The following CNKSR2 variants were observed in gnomAD, a reference collection of about 807,000 sequenced individuals.
CNKSR2 encodes CNK homolog protein 2.
In CNKSR2, 14 loss-of-function variants were observed where a neutral mutation model predicts 84.4. The ratio of observed to expected loss-of-function variants is 0.17; its 90% CI spans 0.11 to 0.26. The LOEUF is 0.26. CNKSR2 is among the 10% of genes least tolerant of loss of function. The probability of loss-of-function intolerance (pLI) is 1.00; values close to 1 mark genes in which losing one functional copy is unlikely to be tolerated. For synonymous variants in CNKSR2, 275 were observed against 277.9 expected (o/e 0.99, Z 0.10); for missense variants, 485 against 771.2 (o/e 0.63, Z 4.40).
intron 4 of CNKSR2, among the ~76,000 whole-genome samples, chrX:21,464,110 G>A (rs1032182083): frequency 2.7e-5 from 3 of 112,423 alleles, no homozygotes; most frequent in Non-Finnish European, 5.6e-5. Context: ...TGGTGGCGAA[G>A]CTTGTGGAAA....
intron 11 of CNKSR2, chrX:21,538,273 T>C (rs2091947371): frequency 8.9e-6 from 1 of 112,001 alleles, no homozygotes; most frequent in Non-Finnish European, 1.9e-5. Flanking sequence ...TCTTTCTTGG[T>C]CTGTAAAGTT....
At chrX:21,388,581 C>G (rs930861866) in intron 1 of CNKSR2, among the ~76,000 whole-genome samples, 2 of 112,112 alleles carry the variant, frequency 1.8e-5, no homozygotes, top group African/African-American at 6.5e-5. Flanking sequence ...ATAGCTAAAG[C>G]TGGAACAATT....
At chrX:21,611,979 A>G (rs1002332340) in intron 20 of CNKSR2, among the ~76,000 whole-genome samples, 12 of 112,086 alleles carry the variant, frequency 1.1e-4, no homozygotes, top group African/African-American at 3.9e-4. Context: ...ACTGTTCGTA[A>G]CAGAGTAGTG....
At chrX:21,580,502 G>A (rs2092346748) in intron 13 of CNKSR2, among the ~76,000 whole-genome samples, 1 of 111,887 alleles carries the variant, frequency 8.9e-6, no homozygotes, top group Non-Finnish European at 1.9e-5. Context: ...TGAGAAATAT[G>A]TACATTATAT....
At chrX:21,430,061 G>A (rs916418541) in intron 2 of CNKSR2, among the ~76,000 whole-genome samples, 2 of 111,383 alleles carry the variant, frequency 1.8e-5, no homozygotes, top group Non-Finnish European at 3.8e-5. Context: ...GATTATCAGT[G>A]TAGTTATGTT....
At chrX:21,570,207 T>C (rs1312620699) in intron 13 of CNKSR2, among the ~76,000 whole-genome samples, 2 of 112,711 alleles carry the variant, frequency 1.8e-5, no homozygotes, top group African/African-American at 6.4e-5. Flanking sequence ...TTCATCTGTA[T>C]TGAAAATTCT....
intron 1 of CNKSR2, among the ~76,000 whole-genome samples, chrX:21,388,061 G>A (rs1439057031): frequency 1.8e-5 from 2 of 110,082 alleles, no homozygotes; most frequent in Non-Finnish European, 1.9e-5. Context: ...CATCACGCCC[G>A]GCTAATTTTT....
intron 18 of CNKSR2, among the ~76,000 whole-genome samples, chrX:21,602,398 C>T (rs941840049): frequency 1.8e-4 from 20 of 111,478 alleles, no homozygotes; most frequent in Non-Finnish European, 1.3e-4. Context: ...CGGGCTCAAG[C>T]GATTCACCGA....
At chrX:21,634,549 T>A (rs991054396) in intron 20 of CNKSR2, among the ~76,000 whole-genome samples, 5 of 111,404 alleles carry the variant, frequency 4.5e-5, no homozygotes, top group African/African-American at 1.6e-4. Context: ...AATATTACCA[T>A]CTTTATAATA....
chrX:21,616,711 T>C (rs943691439), intron 20 of CNKSR2, among the ~76,000 whole-genome samples: 3 of 112,143 alleles, frequency 2.7e-5, no homozygotes, highest in Non-Finnish European at 5.6e-5. Context: ...TAGTTCATTG[T>C]CATAAATCAG....
intron 17 of CNKSR2, among the ~76,000 whole-genome samples, chrX:21,600,332 A>C (rs2092474535): frequency 8.9e-6 from 1 of 112,330 alleles, no homozygotes; most frequent in African/African-American, 3.2e-5. Flanking sequence ...TTTCTTAAAA[A>C]TATATCTAGA....
intron 13 of CNKSR2, among the ~76,000 whole-genome samples, chrX:21,565,442 C>T (rs2092229781): frequency 8.9e-6 from 1 of 111,836 alleles, no homozygotes; most frequent in South Asian, 3.8e-4. Flanking sequence ...TATCAAGAAT[C>T]TGATCTACTA....
At chrX:21,638,319 A>G (rs1382372365) in intron 20 of CNKSR2, among the ~76,000 whole-genome samples, 1 of 111,718 alleles carries the variant, frequency 9.0e-6, no homozygotes, top group Non-Finnish European at 1.9e-5. Flanking sequence ...TGTTTCCAGA[A>G]TTTCTATTTC....
chrX:21,483,556 G>A (rs902254062), intron 5 of CNKSR2, among the ~76,000 whole-genome samples: 15 of 104,857 alleles, frequency 1.4e-4, no homozygotes, highest in Non-Finnish European at 2.5e-4. Context: ...AAACCTGCAC[G>A]TTGTGTAAAT....
At chrX:21,634,119 A>G (rs990291794) in intron 20 of CNKSR2, among the ~76,000 whole-genome samples, 2 of 112,430 alleles carry the variant, frequency 1.8e-5, no homozygotes, top group African/African-American at 6.4e-5. Flanking sequence ...GCCTAAAAAT[A>G]TAATAATTTG....
chrX:21,409,228 TTATATATATATATATATATATATATA>T (rs57301315), intron 1 of CNKSR2, among the ~76,000 whole-genome samples: 947 of 38,454 alleles, frequency 0.025, 31 homozygotes, highest in African/African-American at 0.069. Context: ...AATGAAAAAA[TTATATATATATATATATATATATATA>T]TATATATATA....
intron 4 of CNKSR2, among the ~76,000 whole-genome samples, chrX:21,449,858 T>C (rs746824773): frequency 8.9e-6 from 1 of 112,319 alleles, no homozygotes; most frequent in African/African-American, 3.2e-5. Flanking sequence ...AAACAAGTCA[T>C]ATAGCCATGA....
chrX:21,468,729 A>G (rs1457385859), intron 4 of CNKSR2: 1 of 111,637 alleles, frequency 9.0e-6, no homozygotes, highest in East Asian at 2.8e-4. Context: ...ATACATGCAT[A>G]CATGTATATA....
intron 4 of CNKSR2, among the ~76,000 whole-genome samples, chrX:21,445,069 C>T (rs1022017729): frequency 9.0e-6 from 1 of 111,105 alleles, no homozygotes; most frequent in Non-Finnish European, 1.9e-5. Context: ...GTCTCACAGA[C>T]ATTTAAAACA....
Sources: gnomAD v4.1 joint callset for allele counts (sites outside exome capture counted in the v4.1 genomes callset) on GRCh38, gnomAD v4.1.1 for gene constraint, MANE v1.5 for transcripts, NCBI Gene and HGNC (gene_info 2026-07-23, HGNC 2026-07-21) for gene names.